Variants in KCNH1 observed in about 807,000 individuals in gnomAD.
The protein encoded by KCNH1 is voltage-gated delayed rectifier potassium channel KCNH1.
A neutral mutation model predicts 69.2 loss-of-function variants in KCNH1; 27 were observed. The ratio of observed to expected loss-of-function variants is 0.39; its 90% CI spans 0.29 to 0.54. The LOEUF (loss-of-function observed/expected upper bound fraction) is 0.54, where lower values mean the gene tolerates loss of function less well. Ranked by LOEUF, KCNH1 falls within the 20% of genes least tolerant of loss-of-function variation. KCNH1 has a pLI of 0.68. For missense variants in KCNH1, 798 were observed against 1,261.6 expected (o/e 0.63, Z 5.57); for synonymous variants, 456 against 487.7 (o/e 0.93, Z 0.86).
At chr1:211,129,946 C>T (rs1298859891) in intron 1 of KCNH1, among the ~76,000 whole-genome samples, 9 of 152,122 alleles carry the variant, frequency 5.9e-5, no homozygotes, top group African/African-American at 9.7e-5. Context: ...TATAGGTTCC[C>T]GAACACTAAA....
At chr1:210,815,021 G>A (rs189041066) in intron 7 of KCNH1, among the ~76,000 whole-genome samples, 269 of 152,254 alleles carry the variant, frequency 1.8e-3, no homozygotes, top group African/African-American at 6.1e-3. Context: ...AGTTTGCTCT[G>A]GTTCAATGAT....
At chr1:210,980,180 G>T (rs1254629693) in intron 6 of KCNH1, among the ~76,000 whole-genome samples, 1 of 152,164 alleles carries the variant, frequency 6.6e-6, no homozygotes, top group African/African-American at 2.4e-5. Flanking sequence ...CCATTGCTAA[G>T]TGAGTACAAT....
intron 3 of KCNH1, among the ~76,000 whole-genome samples, chr1:211,093,653 C>T (rs1013187980): frequency 8.5e-5 from 13 of 152,204 alleles, no homozygotes; most frequent in African/African-American, 2.9e-4. Context: ...TATCTTGTAA[C>T]AAAAATTCAT....
At chr1:210,739,026 T>A (rs1181585281) in intron 10 of KCNH1, among the ~76,000 whole-genome samples, 2 of 152,184 alleles carry the variant, frequency 1.3e-5, no homozygotes, top group Non-Finnish European at 2.9e-5. Context: ...TCACTCCCAA[T>A]TCCTATACTA....
chr1:210,883,260 A>C (rs745756181), intron 7 of KCNH1, among the ~76,000 whole-genome samples: 5 of 152,240 alleles, frequency 3.3e-5, no homozygotes, highest in Non-Finnish European at 7.3e-5. Context: ...AAAGGATGCC[A>C]ACAGAGTTTT....
At chr1:211,071,573 T>A (rs1410420199) in intron 5 of KCNH1, among the ~76,000 whole-genome samples, 1 of 152,246 alleles carries the variant, frequency 6.6e-6, no homozygotes, top group Non-Finnish European at 1.5e-5. Context: ...TACTGCATCT[T>A]TACGTCTGTA....
chr1:211,032,617 A>C (rs1689810744), intron 5 of KCNH1, among the ~76,000 whole-genome samples: 1 of 152,212 alleles, frequency 6.6e-6, no homozygotes, highest in Non-Finnish European at 1.5e-5. Context: ...ACATATCTAC[A>C]ACTATCTGAT....
chr1:210,882,706 A>C (rs2102510721), intron 7 of KCNH1, among the ~76,000 whole-genome samples: 1 of 152,256 alleles, frequency 6.6e-6, no homozygotes. Flanking sequence ...CATAAGGAGG[A>C]TGAGGAGTAG....
At chr1:210,861,747 T>C in intron 7 of KCNH1, 1 of 774,448 alleles carries the variant, frequency 1.3e-6, no homozygotes, top group South Asian at 1.3e-5. Context: ...AATGATCCTT[T>C]AGAACTGACA....
chr1:210,719,015 A>G (rs1440928445), intron 10 of KCNH1, among the ~76,000 whole-genome samples: 1 of 152,144 alleles, frequency 6.6e-6, no homozygotes, highest in Non-Finnish European at 1.5e-5. Flanking sequence ...CAAGGCACCA[A>G]ATGCCTTCGC....
In KCNH1 at chr1:210,680,544, A is replaced by G. The variant is rs1681240975; in HGVS notation, c.*2737T>C. The G allele has an allele frequency of 6.6e-6, 1 of 152,286 alleles. No homozygotes were observed. Among genetic ancestry groups the G allele is most frequent in the South Asian group, 2.1e-4 (1 of 4,820 alleles). 9.4% of individuals were successfully genotyped at this position (152,286 alleles called of 1,614,324 possible). ...GGAAGGCTCAGGTCACTGGTATCTG[A>G]GGCACATGGTCCTGGCTCGGGAACC... On this transcript the variant is annotated 3_prime_UTR_variant, in exon 11 of 11. Coordinates refer to ENST00000271751, the MANE Select transcript of KCNH1 (RefSeq NM_172362.3).
intron 7 of KCNH1, chr1:210,860,962 G>C (rs1685965474): frequency 1.0e-6 from 1 of 982,284 alleles, no homozygotes. Context: ...AAGTGTTTCA[G>C]CTAAAGAGCC....
intron 9 of KCNH1, among the ~76,000 whole-genome samples, chr1:210,792,150 C>G (rs568408070): frequency 1.6e-3 from 251 of 152,240 alleles, no homozygotes; most frequent in African/African-American, 5.6e-3. Flanking sequence ...CTCTCCTTAC[C>G]TCCTACTTCC....
At chr1:210,992,106 T>C (rs768843952) in intron 6 of KCNH1, among the ~76,000 whole-genome samples, 3 of 152,218 alleles carry the variant, frequency 2.0e-5, no homozygotes, top group Non-Finnish European at 4.4e-5. Flanking sequence ...GCTAACAATG[T>C]GGGCACTGCA....
chr1:210,800,454 G>C (rs1684405562), intron 8 of KCNH1, among the ~76,000 whole-genome samples: 1 of 152,120 alleles, frequency 6.6e-6, no homozygotes, highest in Non-Finnish European at 1.5e-5. Context: ...TCTTCCCCTG[G>C]AAGAGGCTGC....
At chr1:210,933,849 T>A (rs572813238) in intron 6 of KCNH1, among the ~76,000 whole-genome samples, 2 of 152,058 alleles carry the variant, frequency 1.3e-5, no homozygotes, top group African/African-American at 4.8e-5. Context: ...CATAGACCAA[T>A]GGATAGAATA....
At position 211,087,237 on chromosome 1, in the gene KCNH1, T is replaced by C. The variant is rs1690970117; in HGVS notation, c.439+3325A>G. 2.6e-5 allele frequency among the ~76,000 whole-genome samples: 4 copies of C among 152,226 alleles called. No individual in the cohort carries two copies. In the South Asian group the frequency reaches 8.3e-4, roughly 32 times the overall value. ...CTACTCTGAAGTTTTGCATTCCTTTTGTCGTCTGTATTTGGCTCAAGTTTA... is the reference window on the plus strand; with the variant it reads ...CTACTCTGAAGTTTTGCATTCCTTTCGTCGTCTGTATTTGGCTCAAGTTTA... On this transcript the variant is annotated intron_variant, in intron 4 of 10. Transcript: ENST00000271751.
intron 1 of KCNH1, among the ~76,000 whole-genome samples, chr1:211,111,845 T>C (rs56741924): frequency 0.4 from 15,183 of 37,812 alleles, 2,560 homozygotes; most frequent in African/African-American, 0.44. Context: ...CTGGCCGCTG[T>C]ACTGTCTGGG....
intron 1 of KCNH1, chr1:211,132,836 CT>C (rs1158246745): frequency 6.6e-6 from 1 of 152,196 alleles, no homozygotes; most frequent in East Asian, 1.9e-4. Flanking sequence ...GCATCTTATG[CT>C]TGGCTATCTT....
Sources: allele counts gnomAD v4.1 joint callset (sites outside exome capture counted in the v4.1 genomes callset), GRCh38; gene constraint gnomAD v4.1.1; transcripts MANE v1.5; gene names NCBI Gene and HGNC (gene_info 2026-07-23, HGNC 2026-07-21).